SLIT3: variants seen among roughly 807,000 people sequenced by gnomAD.
SLIT3 encodes slit guidance ligand 3, also known as slit homolog 3 protein.
Under a neutral mutation model 184.0 loss-of-function variants are expected in SLIT3, and 68 were observed. The observed-to-expected ratio is 0.37, with a 90% CI of 0.30 to 0.45. SLIT3 has a LOEUF of 0.45. SLIT3 is among the 20% of genes least tolerant of loss of function. The pLI, the probability that SLIT3 is intolerant of heterozygous loss-of-function variation, is 1.00. For missense variants in SLIT3, 1,707 were observed against 2,026.0 expected (o/e 0.84, Z 3.02); for synonymous variants, 831 against 828.6 (o/e 1.00, Z -0.05).
At chr5:168,924,493 G>GGT (rs533742883) in intron 4 of SLIT3, among the ~76,000 whole-genome samples, 2,126 of 140,652 alleles carry the variant, frequency 0.015, 53 homozygotes, top group East Asian at 0.11. Context: ...GGTGTGTAAG[G>GGT]GTGTGTGTGT....
chr5:169,063,131 C>T lies in SLIT3; in HGVS notation c.413+130348G>A, dbSNP rs549295667. Among the ~76,000 whole-genome samples the T allele has an allele frequency of 9.7e-4, 147 of 152,300 alleles. 1 individual carries two copies. The highest frequency in any genetic ancestry group is 1.9e-3 in the Non-Finnish European group (126 of 68,018). On this transcript the variant is annotated intron_variant, in intron 4 of 35. Coordinates refer to ENST00000519560, the MANE Select transcript of SLIT3 (RefSeq NM_003062.4). ...TGTCAGCTGTAAATACCTAGAGGGA[C>T]GAAGTTTGTAATCATAAGTGCCAAT... is the stretch of plus-strand genomic sequence containing the variant.
intron 4 of SLIT3, among the ~76,000 whole-genome samples, chr5:169,172,854 G>C (rs1762859275): frequency 6.6e-6 from 1 of 152,206 alleles, no homozygotes; most frequent in Non-Finnish European, 1.5e-5. Flanking sequence ...ACCAGTCTCG[G>C]AGTTGGAGTA....
At chr5:169,238,633 A>G (rs896612500) in intron 3 of SLIT3, among the ~76,000 whole-genome samples, 1 of 149,858 alleles carries the variant, frequency 6.7e-6, no homozygotes, top group Middle Eastern at 3.2e-3. Context: ...GTATTTTCCA[A>G]GATTTGACTC....
At chr5:168,684,518 G>A (rs1012019267) in intron 31 of SLIT3, among the ~76,000 whole-genome samples, 1 of 152,116 alleles carries the variant, frequency 6.6e-6, no homozygotes, top group Non-Finnish European at 1.5e-5. Context: ...GGCCCAGGCT[G>A]GAGTGCAGTG....
At chr5:169,036,571 A>C (rs1264338841) in intron 4 of SLIT3, 1 of 152,156 alleles carries the variant, frequency 6.6e-6, no homozygotes, top group Non-Finnish European at 1.5e-5. Context: ...GAATAGGGCA[A>C]TGTTCTTTTT....
chr5:168,804,044 T>G (rs1024928934), intron 9 of SLIT3, among the ~76,000 whole-genome samples: 1 of 151,554 alleles, frequency 6.6e-6, no homozygotes, highest in Non-Finnish European at 1.5e-5. Context: ...CGGTGGCTCA[T>G]ACCTGTAATC....
chr5:169,126,474 A>T (rs1761084748), intron 4 of SLIT3, among the ~76,000 whole-genome samples: 1 of 152,230 alleles, frequency 6.6e-6, no homozygotes, highest in Non-Finnish European at 1.5e-5. Flanking sequence ...AAGTCAGCAT[A>T]AGAGAAATGT....
intron 29 of SLIT3, among the ~76,000 whole-genome samples, chr5:168,687,682 A>C (rs1184274910): frequency 6.6e-6 from 1 of 152,210 alleles, no homozygotes; most frequent in Non-Finnish European, 1.5e-5. Flanking sequence ...GCAATTGATA[A>C]ATAACTCCAC....
At chr5:168,841,475 G>A (rs1758246829) in intron 6 of SLIT3, among the ~76,000 whole-genome samples, 1 of 152,122 alleles carries the variant, frequency 6.6e-6, no homozygotes, top group East Asian at 1.9e-4. Context: ...GAAAGGGGAG[G>A]GGATGGCTCC....
intron 11 of SLIT3, among the ~76,000 whole-genome samples, chr5:168,788,135 T>C (rs1756225304): frequency 6.6e-6 from 1 of 151,996 alleles, no homozygotes; most frequent in South Asian, 2.1e-4. Flanking sequence ...AAATCCTGGC[T>C]GAGGGAAACC....
At chr5:168,890,695 T>C (rs1342206490) in intron 4 of SLIT3, among the ~76,000 whole-genome samples, 2 of 152,212 alleles carry the variant, frequency 1.3e-5, no homozygotes, top group Non-Finnish European at 2.9e-5. Context: ...GGTAGAAGAA[T>C]AGATGAAACA....
intron 16 of SLIT3, among the ~76,000 whole-genome samples, chr5:168,759,766 T>C (rs1218366262): frequency 6.6e-6 from 1 of 152,110 alleles, no homozygotes; most frequent in Non-Finnish European, 1.5e-5. Context: ...CTTACACAAA[T>C]GTCAGTGAGT....
At chr5:168,683,841 G>A (rs1761664562) in intron 32 of SLIT3, 125 bp downstream of exon 32, 2 of 863,644 alleles carry the variant, frequency 2.3e-6, no homozygotes, top group Non-Finnish European at 3.3e-6. Flanking sequence ...GTGCGCACAT[G>A]TGCGTGGTAG....
chr5:169,268,560 A>G (rs1766482023), intron 1 of SLIT3, among the ~76,000 whole-genome samples: 1 of 152,188 alleles, frequency 6.6e-6, no homozygotes, highest in East Asian at 1.9e-4. Flanking sequence ...GGCATCACCC[A>G]CAGAGCAGAC....
rs145728584 is a variant in SLIT3, at chr5:169,090,547, G to A, written c.413+102932C>T. ...ACCTCAGGCTGGAATAGGGGCCTTC[G>A]TAGGCTGAATGATGGCCTCCCAAAA... On this transcript the variant is annotated intron_variant, in intron 4 of 35. Transcript: ENST00000519560. Among the ~76,000 whole-genome samples, 802 of 152,332 alleles carry A rather than the reference G, an allele frequency of 5.3e-3. 4 individuals carry two copies. The highest frequency in any genetic ancestry group is 0.02 in the Middle Eastern group (6 of 294).
intron 4 of SLIT3, among the ~76,000 whole-genome samples, chr5:169,049,051 C>T (rs879447936): frequency 3.9e-5 from 6 of 152,168 alleles, no homozygotes; most frequent in Non-Finnish European, 7.4e-5. Context: ...GCAGTTTCTT[C>T]GAGAAAAGTC....
At chr5:168,718,985 A>G (rs897676435) in intron 23 of SLIT3, among the ~76,000 whole-genome samples, 3 of 152,218 alleles carry the variant, frequency 2.0e-5, no homozygotes, top group Non-Finnish European at 4.4e-5. Flanking sequence ...TCCTGATTTT[A>G]AAAAGCCAAT....
chr5:168,888,102 C>T (rs1420506300), intron 4 of SLIT3, among the ~76,000 whole-genome samples: 6 of 152,062 alleles, frequency 3.9e-5, no homozygotes, highest in African/African-American at 9.7e-5. Flanking sequence ...GCCAAGGACA[C>T]GGGGGTTAAG....
intron 4 of SLIT3, among the ~76,000 whole-genome samples, chr5:168,937,161 G>A (rs769051801): frequency 4.6e-5 from 7 of 152,038 alleles, no homozygotes; most frequent in South Asian, 4.1e-4. Context: ...GGAGTCCAGC[G>A]TACTGGAGGG....
Sources: allele counts gnomAD v4.1 joint callset (sites outside exome capture counted in the v4.1 genomes callset), GRCh38; gene constraint gnomAD v4.1.1; transcripts MANE v1.5; gene names NCBI Gene and HGNC (gene_info 2026-07-23, HGNC 2026-07-21).